GALNT13: variants seen among roughly 807,000 people sequenced by gnomAD.
GALNT13 encodes polypeptide N-acetylgalactosaminyltransferase 13, also known as UDP-GalNAc:polypeptide N-acetylgalactosaminyltransferase 13.
GALNT13 carries 28 observed loss-of-function variants against 64.2 expected under a neutral mutation model. The observed-to-expected ratio is 0.44, with a 90% CI of 0.32 to 0.60. The LOEUF is 0.60. GALNT13 is among the 20% of genes least tolerant of loss of function. The pLI is 0.05. For synonymous variants in GALNT13, 214 were observed against 224.6 expected, an observed-to-expected ratio of 0.95 and a Z score of 0.42; for missense variants, 577 against 669.8, an observed-to-expected ratio of 0.86 and a Z score of 1.53.
the GALNT13 span, among the ~76,000 whole-genome samples, chr2:153,099,817 A>G: frequency 6.6e-6 from 1 of 152,174 alleles, no homozygotes; most frequent in Non-Finnish European, 1.5e-5. Context: ...TTCTCCTTAT[A>G]TCTTCTCACA....
At chr2:154,311,764 G>A (rs796375730) in intron 9 of GALNT13, among the ~76,000 whole-genome samples, 1,904 of 133,330 alleles carry the variant, frequency 0.014, no homozygotes, top group Admixed American at 0.017. Context: ...ACGCCCTGGG[G>A]GGGCCAGTTC....
At chr2:154,119,206 A>G (rs1478730431) in intron 3 of GALNT13, among the ~76,000 whole-genome samples, 1 of 152,182 alleles carries the variant, frequency 6.6e-6, no homozygotes, top group African/African-American at 2.4e-5. Context: ...TGGATAAAGT[A>G]TTCCTCATTC....
intron 9 of GALNT13, among the ~76,000 whole-genome samples, chr2:154,303,820 G>A (rs1018922344): frequency 1.3e-5 from 2 of 151,504 alleles, no homozygotes; most frequent in African/African-American, 2.4e-5. Flanking sequence ...GTGCAGTGGC[G>A]TGATCTCGGC....
At chr2:153,498,938 C>T in the GALNT13 span, among the ~76,000 whole-genome samples, 4 of 152,202 alleles carry the variant, frequency 2.6e-5, no homozygotes, top group East Asian at 7.8e-4. Context: ...AGCTCCGCCT[C>T]CCGGGTTCAC....
At chr2:153,992,187 G>T (rs899123753) in intron 3 of GALNT13, among the ~76,000 whole-genome samples, 3 of 152,114 alleles carry the variant, frequency 2.0e-5, no homozygotes, top group African/African-American at 7.2e-5. Context: ...TAGAAAAACA[G>T]CAACCACTAT....
chr2:153,378,067 A>G, the GALNT13 span, among the ~76,000 whole-genome samples: 7 of 152,286 alleles, frequency 4.6e-5, no homozygotes, highest in African/African-American at 1.7e-4. Flanking sequence ...TTAGAGTCTC[A>G]AAATAATTCA....
chr2:154,019,555 A>G (rs1697272007), intron 3 of GALNT13, among the ~76,000 whole-genome samples: 2 of 150,334 alleles, frequency 1.3e-5, no homozygotes, highest in Admixed American at 1.3e-4. Context: ...GGTTGCAATG[A>G]GCCAAGACTG....
At chr2:153,200,496 C>T in the GALNT13 span, among the ~76,000 whole-genome samples, 1 of 152,142 alleles carries the variant, frequency 6.6e-6, no homozygotes, top group Non-Finnish European at 1.5e-5. Context: ...GCAGAAATGG[C>T]ACATTAGAGA....
At chr2:154,305,128 A>G (rs1693659830) in intron 9 of GALNT13, among the ~76,000 whole-genome samples, 1 of 152,250 alleles carries the variant, frequency 6.6e-6, no homozygotes, top group African/African-American at 2.4e-5. Context: ...GAAGTCAGAA[A>G]TCTATTATTT....
At chr2:153,621,891 T>G in the GALNT13 span, among the ~76,000 whole-genome samples, 1 of 152,126 alleles carries the variant, frequency 6.6e-6, no homozygotes, top group African/African-American at 2.4e-5. Context: ...ACATTGATTT[T>G]GGATAGTAAT....
chr2:153,345,689 T>TTCTTTC, the GALNT13 span, among the ~76,000 whole-genome samples: 7 of 137,616 alleles, frequency 5.1e-5, no homozygotes, highest in African/African-American at 1.9e-4. Context: ...CTTTCTTTCT[T>TTCTTTC]TCTTTCTTTC....
At chr2:154,199,939 T>C (rs1687082678) in intron 4 of GALNT13, among the ~76,000 whole-genome samples, 1 of 152,040 alleles carries the variant, frequency 6.6e-6, no homozygotes, top group Admixed American at 6.6e-5. Flanking sequence ...TATCCTTGAT[T>C]TTATAATTAC....
At chr2:154,202,072 G>A (rs1303826073) in intron 4 of GALNT13, among the ~76,000 whole-genome samples, 1 of 152,028 alleles carries the variant, frequency 6.6e-6, no homozygotes, top group African/African-American at 2.4e-5. Flanking sequence ...AAATACTTTT[G>A]TGAAACACCT....
chr2:153,238,731 A>G, the GALNT13 span, among the ~76,000 whole-genome samples: 34 of 151,954 alleles, frequency 2.2e-4, no homozygotes, highest in Non-Finnish European at 4.6e-4. Context: ...TTTGGTTACT[A>G]TAGGTTACTA....
chr2:154,112,455 GCATACAAATATCTTAACAGTTTTT>G (rs1703040688), intron 3 of GALNT13, among the ~76,000 whole-genome samples: 1 of 152,184 alleles, frequency 6.6e-6, no homozygotes. Context: ...CACTCACATA[GCATACAAATATCTTAACAGTTTTT>G]GATCACTTGG....
chr2:153,698,732 G>GTC, the GALNT13 span, among the ~76,000 whole-genome samples: 1 of 152,182 alleles, frequency 6.6e-6, no homozygotes, highest in Admixed American at 6.5e-5. Context: ...TCTGGATCAA[G>GTC]TGGACTTAAC....
chr2:153,758,329 GT>G, the GALNT13 span, among the ~76,000 whole-genome samples: 3 of 146,122 alleles, frequency 2.1e-5, no homozygotes, highest in Non-Finnish European at 3.0e-5. Flanking sequence ...TCTCTATTCT[GT>G]TCCATTGGTT....
chr2:153,230,994 GC>G, the GALNT13 span, among the ~76,000 whole-genome samples: 1 of 152,152 alleles, frequency 6.6e-6, no homozygotes, highest in Non-Finnish European at 1.5e-5. Flanking sequence ...TGGGTGAGAT[GC>G]TTTTCTTGAT....
At chr2:154,278,095 T>A (rs1300163068) in intron 8 of GALNT13, among the ~76,000 whole-genome samples, 1 of 152,190 alleles carries the variant, frequency 6.6e-6, no homozygotes, top group African/African-American at 2.4e-5. Context: ...ATATTTACTT[T>A]TTAAAATCCT....
Sources: allele counts gnomAD v4.1 joint callset (sites outside exome capture counted in the v4.1 genomes callset), GRCh38; gene constraint gnomAD v4.1.1; transcripts MANE v1.5; gene names NCBI Gene and HGNC (gene_info 2026-07-23, HGNC 2026-07-21).